Variants in SPAG4 observed in about 807,000 individuals in gnomAD.
SPAG4 encodes sperm associated antigen 4, also known as sperm-associated antigen 4 protein.
A neutral mutation model predicts 53.9 loss-of-function variants in SPAG4; 54 were observed. That is an observed-to-expected ratio of 1.00 (90% CI 0.80 to 1.26). The LOEUF is 1.26. SPAG4 is among the 50% of genes most tolerant of loss of function. The pLI is 0.00. For missense variants in SPAG4, 548 were observed against 568.6 expected, an observed-to-expected ratio of 0.96 and a Z score of 0.37; for synonymous variants, 246 against 237.4, an observed-to-expected ratio of 1.04 and a Z score of -0.33.
chr20:35,617,450 G>T (rs1001634950), intron 2 of SPAG4, 70 bp from the exon 3 acceptor site: 516 of 1,408,814 alleles, frequency 3.7e-4, no homozygotes, highest in Middle Eastern at 1.1e-3. Context: ...TCTGAACCCG[G>T]ACACCACGCA....
intron 8 of SPAG4, 41 bp downstream of exon 8, chr20:35,619,039 A>C: frequency 1.3e-6 from 2 of 1,571,608 alleles, no homozygotes; most frequent in Non-Finnish European, 1.8e-6. Flanking sequence ...CGCAGACAGG[A>C]AAGAGGCCAA....
chr20:35,618,247 C>A, intron 5 of SPAG4, 117 bp downstream of exon 5: 1 of 1,156,862 alleles, frequency 8.6e-7, no homozygotes, highest in Non-Finnish European at 1.2e-6. Flanking sequence ...GGCTACAATC[C>A]TTAAGAAAGG....
chr20:35,618,152 G>T, intron 5 of SPAG4, 22 bp downstream of exon 5: 1 of 1,611,028 alleles, frequency 6.2e-7, no homozygotes, highest in South Asian at 1.1e-5. Flanking sequence ...AGACTGTCTT[G>T]GGGTAGGGGG....
chr20:35,619,178 A>T lies in SPAG4; in HGVS notation c.794-17A>T, dbSNP rs2031491913. The T allele has an allele frequency of 6.5e-7, 1 of 1,542,742 alleles. No individual in the cohort carries two copies. Among genetic ancestry groups the T allele is most frequent in the Non-Finnish European group, 8.8e-7 (1 of 1,137,178 alleles). ...CAAGGCCTGGGAGCCTCTGAGGGTT[A>T]CTTCTCACTGTTCCAGGAGCCTCCA... On this transcript the variant is annotated splice_polypyrimidine_tract_variant and intron_variant, in intron 8 of 11. Transcript: ENST00000374273.
At position 35,616,051 on chromosome 20, in the gene SPAG4, C is replaced by T. The variant is rs369690800; in HGVS notation, c.48C>T (p.His16=). ...GCTCGGCCTCGTCCTCGCGCAAGCA[C>T]ACGCCCAACTTTTTCAGCGAGAACA... is the stretch of plus-strand genomic sequence containing the variant. The part of the protein sequence containing the change: ...RPGSASSSRK[H]TPNFFSENSS... The change falls in exon 1 of 12, where the codon CAC becomes CAT. Residue 16 remains histidine (H), a synonymous_variant. Coordinates refer to ENST00000374273, the MANE Select transcript of SPAG4 (RefSeq NM_003116.3). 379 of 1,612,676 alleles carry T rather than the reference C, an allele frequency of 2.4e-4. No homozygotes were observed. The highest frequency in any genetic ancestry group is 2.9e-4 in the Non-Finnish European group (340 of 1,179,700).
chr20:35,619,363 C>T (rs2031498511), intron 9 of SPAG4, 53 bp downstream of exon 9: 1 of 1,534,180 alleles, frequency 6.5e-7, no homozygotes, highest in Non-Finnish European at 9.0e-7. Context: ...CTGGGAAAAG[C>T]ACCAAAACCC....
At chr20:35,619,139 GC>G in intron 8 of SPAG4, 55 bp from the exon 9 acceptor site, 3 of 592,288 alleles carry the variant, frequency 5.1e-6, no homozygotes, top group Non-Finnish European at 7.5e-6. Flanking sequence ...GCGCCCCCGC[GC>G]CCCGACTCCC....
At chr20:35,619,772 G>A in intron 10 of SPAG4, 26 bp downstream of exon 10, 9 of 1,589,316 alleles carry the variant, frequency 5.7e-6, no homozygotes, top group Non-Finnish European at 7.7e-6. Context: ...GTCAGGAGGT[G>A]GGGGATTTTG....
At chr20:35,619,393 G>C (rs2031499256) in intron 9 of SPAG4, 83 bp downstream of exon 9, 1 of 1,452,790 alleles carries the variant, frequency 6.9e-7, no homozygotes, top group Middle Eastern at 1.7e-4. Context: ...GGCGGAGCTT[G>C]GCTGAGCCGA....
rs536076514 is a variant in SPAG4 at position 35,619,484 on chromosome 20, C to A, written c.910-95C>A. 31 of 1,518,952 alleles carry A rather than the reference C, an allele frequency of 2.0e-5. No individual in the cohort carries two copies. In the African/African-American group the frequency reaches 3.0e-4, roughly 15 times the overall value. 94.1% of individuals were successfully genotyped at this position (1,518,952 alleles called of 1,614,324 possible). ...GGCGGGCTGGAGGTGGAGCTCTGGG[C>A]GGGTCGATGGATGGGGTCGAGCTGA... is the stretch of plus-strand genomic sequence containing the variant. On this transcript the variant is annotated intron_variant, in intron 9 of 11. Transcript: ENST00000374273.
Position 35,617,502 on chromosome 20 carries a change from C to G in SPAG4, c.410-18C>G. On this transcript the variant is annotated intron_variant, in intron 2 of 11. Transcript: ENST00000374273. The stretch of plus-strand genomic sequence containing the variant: ...TCCCTGCCGTGGGCCCCTCTCTGAC[C>G]CTCTGTCCTGGCCTCAGGCCTGCTC... 6.3e-7 allele frequency: 1 copy of G among 1,579,116 alleles called. No individual in the cohort carries two copies. The highest frequency in any genetic ancestry group is 8.6e-7 in the Non-Finnish European group (1 of 1,161,120).
intron 11 of SPAG4, 40 bp from the exon 12 acceptor site, chr20:35,620,833 CAGG>C (rs777675296): frequency 1.4e-5 from 23 of 1,612,736 alleles, no homozygotes; most frequent in African/African-American, 1.1e-4. Context: ...ATGAATGATC[CAGG>C]AGGAGGGCAG....
chr20:35,620,629 C>CCA (rs1174167439), intron 10 of SPAG4, 55 bp from the exon 11 acceptor site: 1 of 499,758 alleles, frequency 2.0e-6, no homozygotes, highest in Non-Finnish European at 3.9e-6. Context: ...TCTCCCCGCC[C>CCA]CCCCCGCCCC....
chr20:35,620,773 G>A lies in SPAG4; in HGVS notation c.1167G>A (p.Gln389=). The change falls in exon 11 of 12, where the codon CAG becomes CAA. Residue 389 remains glutamine, a splice_region_variant and synonymous_variant. Transcript: ENST00000374273. ...EKSEIQTFHL[Q]NDPPAAFPKV... is the part of the protein sequence containing the mutation. ...CGGAGATTCAGACTTTCCACCTGCA[G>A]GTGTGTTTGTCTCTAGGGTGAAGGT... 1 of 1,613,984 alleles carries A rather than the reference G, an allele frequency of 6.2e-7. No homozygotes were observed. The highest frequency in any genetic ancestry group is 8.5e-7 in the Non-Finnish European group (1 of 1,179,920).
chr20:35,618,337 C>T (rs752853063), intron 5 of SPAG4, 113 bp from the exon 6 acceptor site: 6 of 1,381,428 alleles, frequency 4.3e-6, no homozygotes, highest in Non-Finnish European at 6.1e-6. Flanking sequence ...AAGGAGGAGT[C>T]GAGGAAAGGG....
rs2031567788 is a variant in SPAG4, at chr20:35,621,058, GA to G, written c.*38del. 1.9e-6 allele frequency: 3 copies of G among 1,606,268 alleles called. No homozygotes were observed. The highest frequency in any genetic ancestry group is 2.6e-6 in the Non-Finnish European group (3 of 1,173,592). ...TTTTGGAGTAGAATTGAGTTCTGCT[GA>G]AGGATACTGGATCAGTGCTTTCGGG... On this transcript the variant is annotated 3_prime_UTR_variant, in exon 12 of 12. Coordinates refer to ENST00000374273, the MANE Select transcript of SPAG4 (RefSeq NM_003116.3).
Position 35,620,781 on chromosome 20 carries a change from T to A in SPAG4, c.1167+8T>A. The A allele has an allele frequency of 6.2e-7, 1 of 1,613,864 alleles. No individual in the cohort carries two copies. The highest frequency in any genetic ancestry group is 8.5e-7 in the Non-Finnish European group (1 of 1,179,806). On this transcript the variant is annotated splice_region_variant and intron_variant, in intron 11 of 11. Transcript: ENST00000374273. ...CAGACTTTCCACCTGCAGGTGTGTTTGTCTCTAGGGTGAAGGTGCCAAGGG... is the reference window on the plus strand; with the variant it reads ...CAGACTTTCCACCTGCAGGTGTGTTAGTCTCTAGGGTGAAGGTGCCAAGGG...
intron 1 of SPAG4, chr20:35,616,919 C>G (rs2031405132): frequency 7.1e-6 from 4 of 563,256 alleles, no homozygotes; most frequent in Non-Finnish European, 1.3e-5. Flanking sequence ...CGTGAGCCAC[C>G]GCGCCCGGCC....
chr20:35,618,559 G>A (rs2031462262), intron 6 of SPAG4, 53 bp from the exon 7 acceptor site: 1 of 1,599,218 alleles, frequency 6.3e-7, no homozygotes, highest in Non-Finnish European at 8.5e-7. Context: ...GCCTTTGGGA[G>A]GTGTCCAGGG....
Sources: allele counts gnomAD v4.1 joint callset, GRCh38; gene constraint gnomAD v4.1.1; transcripts MANE v1.5; gene names NCBI Gene and HGNC (gene_info 2026-07-23, HGNC 2026-07-21).